The following OSBPL10 variants were observed in gnomAD, a reference collection of about 807,000 sequenced individuals.
The protein encoded by OSBPL10 is oxysterol-binding protein-related protein 10.
Under a neutral mutation model 81.7 loss-of-function variants are expected in OSBPL10, and 49 were observed. The ratio of observed to expected loss-of-function variants is 0.60; its 90% CI spans 0.48 to 0.76. The LOEUF (loss-of-function observed/expected upper bound fraction) is 0.76. Ranked by LOEUF, OSBPL10 falls within the 30% of genes least tolerant of loss-of-function variation. OSBPL10 has a pLI of 0.00. For missense variants in OSBPL10, 923 were observed against 987.8 expected (o/e 0.93, Z 0.88); for synonymous variants, 419 against 383.6 (o/e 1.09, Z -1.08).
At chr3:32,037,516 G>A (rs1049195770) in intron 2 of OSBPL10, 23 of 190,518 alleles carry the variant, frequency 1.2e-4, no homozygotes, top group Admixed American at 6.6e-4. Context: ...TTTTTTTAAC[G>A]AGAAAAGATA....
chr3:31,680,080 C>T (rs1390263355), intron 8 of OSBPL10, among the ~76,000 whole-genome samples: 3 of 152,070 alleles, frequency 2.0e-5, no homozygotes, highest in Admixed American at 2.0e-4. Flanking sequence ...AGCTCCCTGT[C>T]GCTTCATCCA....
At chr3:31,720,770 G>C (rs571914503) in intron 6 of OSBPL10, among the ~76,000 whole-genome samples, 37 of 151,428 alleles carry the variant, frequency 2.4e-4, no homozygotes, top group African/African-American at 8.8e-4. Flanking sequence ...CGTGGTGGTG[G>C]GTGCCTGTAA....
intron 4 of OSBPL10, among the ~76,000 whole-genome samples, chr3:31,767,496 C>T (rs954373107): frequency 6.6e-6 from 1 of 152,198 alleles, no homozygotes; most frequent in Non-Finnish European, 1.5e-5. Flanking sequence ...TCCTCCCCAT[C>T]TCTCATGGTC....
chr3:31,798,089 C>T (rs995339050), intron 4 of OSBPL10, among the ~76,000 whole-genome samples: 1 of 152,116 alleles, frequency 6.6e-6, no homozygotes, highest in Non-Finnish European at 1.5e-5. Flanking sequence ...AGCTACTGGG[C>T]ACATTTAACA....
chr3:31,715,975 G>C (rs942487375), intron 6 of OSBPL10, among the ~76,000 whole-genome samples: 1 of 152,156 alleles, frequency 6.6e-6, no homozygotes, highest in Non-Finnish European at 1.5e-5. Flanking sequence ...TGCAGTTACG[G>C]GCCTGAACTC....
At chr3:31,910,356 C>T (rs375181119) in intron 1 of OSBPL10, among the ~76,000 whole-genome samples, 3 of 151,504 alleles carry the variant, frequency 2.0e-5, no homozygotes, top group East Asian at 3.9e-4. Flanking sequence ...GTCAGGGGGC[C>T]GGGCGCGGTG....
At chr3:31,876,533 AAAG>A in intron 2 of OSBPL10, 21 bp from the exon 3 acceptor site, 2 of 1,589,344 alleles carry the variant, frequency 1.3e-6, no homozygotes, top group Non-Finnish European at 1.7e-6. Context: ...GAAAACAGAG[AAAG>A]AAATGATTGC....
At chr3:31,817,268 C>T (rs1333045207) in intron 4 of OSBPL10, among the ~76,000 whole-genome samples, 2 of 152,192 alleles carry the variant, frequency 1.3e-5, no homozygotes, top group Non-Finnish European at 2.9e-5. Flanking sequence ...TAGCAGGACT[C>T]TCTCTCCTGC....
intron 3 of OSBPL10, among the ~76,000 whole-genome samples, chr3:31,867,170 TCA>T (rs1253153696): frequency 6.6e-6 from 1 of 152,200 alleles, no homozygotes; most frequent in East Asian, 1.9e-4. Flanking sequence ...CTGTTTGCTC[TCA>T]GTGAGCACAG....
At chr3:31,975,240 G>C (rs1290568460) in intron 1 of OSBPL10, among the ~76,000 whole-genome samples, 1 of 152,088 alleles carries the variant, frequency 6.6e-6, no homozygotes, top group Non-Finnish European at 1.5e-5. Flanking sequence ...GTCCCTAAAG[G>C]ATTTTAGCAC....
intron 1 of OSBPL10, among the ~76,000 whole-genome samples, chr3:31,966,365 ATAATT>A (rs1293317109): frequency 6.6e-6 from 1 of 151,866 alleles, no homozygotes; most frequent in Non-Finnish European, 1.5e-5. Flanking sequence ...AAAAGAAATG[ATAATT>A]TAATAATTTA....
intron 2 of OSBPL10, among the ~76,000 whole-genome samples, chr3:31,878,013 A>T (rs544212197): frequency 1.5e-4 from 23 of 152,360 alleles, no homozygotes; most frequent in Admixed American, 2.6e-4. Context: ...ACCAACAGCC[A>T]GTTGCTTGTG....
At chr3:31,809,403 T>G (rs1015449864) in intron 4 of OSBPL10, among the ~76,000 whole-genome samples, 1 of 152,216 alleles carries the variant, frequency 6.6e-6, no homozygotes, top group African/African-American at 2.4e-5. Flanking sequence ...ATCCACAAAC[T>G]TTAAAATGCT....
At chr3:32,054,190 G>A (rs1033727797) in intron 1 of OSBPL10, among the ~76,000 whole-genome samples, 1 of 152,050 alleles carries the variant, frequency 6.6e-6, no homozygotes, top group Non-Finnish European at 1.5e-5. Flanking sequence ...AATATCAAGT[G>A]CTTAAATCTT....
chr3:31,752,188 C>T (rs979673515), intron 4 of OSBPL10, among the ~76,000 whole-genome samples: 1 of 152,198 alleles, frequency 6.6e-6, no homozygotes, highest in African/African-American at 2.4e-5. Context: ...ACCTAGATCT[C>T]CCAGCCTTTA....
chr3:31,866,752 A>G (rs763267980), intron 3 of OSBPL10, among the ~76,000 whole-genome samples: 1 of 152,168 alleles, frequency 6.6e-6, no homozygotes, highest in Non-Finnish European at 1.5e-5. Flanking sequence ...TCCAGACCCC[A>G]GTGGACGGGG....
intron 2 of OSBPL10, among the ~76,000 whole-genome samples, chr3:32,006,087 G>C (rs1305001997): frequency 6.6e-6 from 1 of 152,042 alleles, no homozygotes; most frequent in Non-Finnish European, 1.5e-5. Flanking sequence ...TGCGATTACA[G>C]ATGAGCACCA....
intron 1 of OSBPL10, among the ~76,000 whole-genome samples, chr3:31,894,132 T>C (rs1695986683): frequency 1.3e-5 from 2 of 152,212 alleles, no homozygotes; most frequent in Non-Finnish European, 2.9e-5. Context: ...GTTTTGGGAA[T>C]GCTGCATTTG....
At chr3:31,815,366 A>G (rs1699811534) in intron 4 of OSBPL10, among the ~76,000 whole-genome samples, 1 of 152,200 alleles carries the variant, frequency 6.6e-6, no homozygotes, top group Admixed American at 6.5e-5. Context: ...GAGTTTGGAG[A>G]TGTTTTGTTT....
Sources: gnomAD v4.1 joint callset for allele counts (sites outside exome capture counted in the v4.1 genomes callset) on GRCh38, gnomAD v4.1.1 for gene constraint, MANE v1.5 for transcripts, NCBI Gene and HGNC (gene_info 2026-07-23, HGNC 2026-07-21) for gene names.